SPECC1: variants seen among roughly 807,000 people sequenced by gnomAD.
SPECC1 encodes cytospin-B.
In SPECC1, 62 loss-of-function variants were observed where a neutral mutation model predicts 104.1. That is an observed-to-expected ratio of 0.60 (90% CI 0.49 to 0.74). The LOEUF (loss-of-function observed/expected upper bound fraction) is 0.74. Among genes scored for constraint, SPECC1 ranks in the 30% least tolerant of loss-of-function variants. SPECC1 has a pLI of 0.00. For synonymous variants in SPECC1, 513 were observed against 501.6 expected, an observed-to-expected ratio of 1.02 and a Z score of -0.30; for missense variants, 1,306 against 1,310.5, an observed-to-expected ratio of 1.00 and a Z score of 0.05.
chr17:20,129,136 A>G (rs1462165760), intron 3 of SPECC1, among the ~76,000 whole-genome samples: 1 of 151,600 alleles, frequency 6.6e-6, no homozygotes, highest in Non-Finnish European at 1.5e-5. Flanking sequence ...TGGCCTCCCA[A>G]AGTGCTGAGA....
Position 20,246,181 on chromosome 17 carries a change from A to G in SPECC1, c.2497+110A>G, listed in dbSNP as rs1281157126. 4 of 1,371,076 alleles carry G rather than the reference A, an allele frequency of 2.9e-6. No individual in the cohort carries two copies. In the South Asian group the frequency reaches 4.0e-5, roughly 14 times the overall value. The allele number at this position is 1,371,076 out of a possible 1,614,324, so 84.9% of individuals were successfully genotyped here. A position where few individuals can be genotyped will look rare whatever the true frequency, so the allele number is the denominator to read the frequency against. ...CTGGCCCTGTGTTGTTACAACCACA[A>G]GGGCGCTTTCCAGGTCCTACCACGT... On this transcript the variant is annotated intron_variant, in intron 8 of 14. Transcript: ENST00000395527.
chr17:20,247,335 A>C lies in SPECC1; in HGVS notation c.2598+16A>C. ...TCCAATGCAGGTAGATGAGCCCCAGAAATAACCACTGCTTATGGTTTGCTG... is the reference window on the plus strand; with the variant it reads ...TCCAATGCAGGTAGATGAGCCCCAGCAATAACCACTGCTTATGGTTTGCTG... On this transcript the variant is annotated intron_variant, in intron 9 of 14. Transcript: ENST00000395527. 1 of 1,579,016 alleles carries C rather than the reference A, an allele frequency of 6.3e-7. No individual in the cohort carries two copies. The highest frequency in any genetic ancestry group is 8.7e-7 in the Non-Finnish European group (1 of 1,149,432).
intron 3 of SPECC1, among the ~76,000 whole-genome samples, chr17:20,122,646 T>C (rs1283687526): frequency 6.6e-6 from 1 of 152,150 alleles, no homozygotes; most frequent in Non-Finnish European, 1.5e-5. Flanking sequence ...CCATTCCCCT[T>C]CCCTCAGCTC....
chr17:20,207,640 T>G (rs2036872509), intron 4 of SPECC1, among the ~76,000 whole-genome samples: 1 of 152,190 alleles, frequency 6.6e-6, no homozygotes, highest in African/African-American at 2.4e-5. Context: ...ATTTAAAAAG[T>G]ACAGAAAAGT....
At chr17:20,170,119 T>C (rs1396023168) in intron 3 of SPECC1, among the ~76,000 whole-genome samples, 1 of 152,214 alleles carries the variant, frequency 6.6e-6, no homozygotes, top group Non-Finnish European at 1.5e-5. Context: ...CCGTCCAGTT[T>C]GTCCGCTACC....
chr17:20,155,924 G>C (rs2032436038), intron 3 of SPECC1: 1 of 1,211,088 alleles, frequency 8.3e-7, no homozygotes, highest in East Asian at 3.4e-5. Flanking sequence ...CGCCTGGCGG[G>C]CGGTGTGCAG....
At chr17:20,178,643 A>C (rs1283352365) in intron 3 of SPECC1, among the ~76,000 whole-genome samples, 3 of 152,206 alleles carry the variant, frequency 2.0e-5, no homozygotes, top group Non-Finnish European at 4.4e-5. Flanking sequence ...TTGAGAACTG[A>C]ATTAATTTTC....
At chr17:20,128,619 C>T (rs924316861) in intron 3 of SPECC1, among the ~76,000 whole-genome samples, 3 of 152,018 alleles carry the variant, frequency 2.0e-5, no homozygotes, top group African/African-American at 7.2e-5. Context: ...GGTAGCTTGT[C>T]GATCTAATGA....
chr17:20,024,968 G>A (rs1019970665), intron 1 of SPECC1, among the ~76,000 whole-genome samples: 3 of 152,188 alleles, frequency 2.0e-5, no homozygotes, highest in Admixed American at 6.5e-5. Context: ...TTTGCACAAT[G>A]TAGATAAAAA....
Position 20,314,095 on chromosome 17 carries a change from CCA to C in SPECC1, c.*32_*33del, listed in dbSNP as rs2042001377. The C allele has an allele frequency of 6.3e-7, 1 of 1,589,024 alleles. No individual in the cohort carries two copies. Among genetic ancestry groups the C allele is most frequent in the African/African-American group, 1.3e-5 (1 of 74,504 alleles). ...GGAGGGCCTGGGGCAGCCACCATTG[CCA>C]CCTACTGCAGCTTTTCCTGGAAGCG... is the stretch of plus-strand genomic sequence containing the variant. On this transcript the variant is annotated 3_prime_UTR_variant, in exon 15 of 15. Coordinates refer to ENST00000395527, the MANE Select transcript of SPECC1 (RefSeq NM_001243439.2).
At chr17:20,162,552 T>C (rs1017110664) in intron 3 of SPECC1, among the ~76,000 whole-genome samples, 1 of 152,232 alleles carries the variant, frequency 6.6e-6, no homozygotes, top group Non-Finnish European at 1.5e-5. Flanking sequence ...TTAAAACATA[T>C]GAAGGCTTAA....
In SPECC1 at chr17:20,257,624, A is replaced by G. The variant is rs374488081; in HGVS notation, c.2837+17A>G. On this transcript the variant is annotated intron_variant, in intron 11 of 14. Transcript: ENST00000395527. ...CAAACTCAGGTATCGTGTTTCAAAC[A>G]ATAAGAAATCAGAAAAACATCGGGC... 2.5e-6 allele frequency: 4 copies of G among 1,609,594 alleles called. No individual in the cohort carries two copies. In the African/African-American group the frequency reaches 4.0e-5, roughly 16 times the overall value.
chr17:20,308,372 A>T lies in SPECC1; in HGVS notation c.3117+2290A>T, dbSNP rs569273306. On this transcript the variant is annotated intron_variant, in intron 14 of 14. Transcript: ENST00000395527. ...CCATTGCACTCCAGCCTGGGTGACA[A>T]GAGCGAAACTCCATCTCAAAAAAAA... 1.3e-4 allele frequency among the ~76,000 whole-genome samples: 16 copies of T among 125,154 alleles called. No homozygotes were observed. In the South Asian group the frequency reaches 4.7e-3, roughly 37 times the overall value. The allele number at this position is 125,154 out of a possible 152,430, so 82.1% of individuals were successfully genotyped here.
rs11868429 is a variant in SPECC1, at chr17:20,260,303, C to T, written c.2940+9C>T. On this transcript the variant is annotated intron_variant, in intron 12 of 14. Coordinates refer to ENST00000395527, the MANE Select transcript of SPECC1 (RefSeq NM_001243439.2). The stretch of plus-strand genomic sequence containing the variant: ...AGACACAAGGTTATGCGGTAAGGGA[C>T]AACATCAGCCAACTTCCAGCTGCCC... 0.19 allele frequency: 312,688 copies of T among 1,610,750 alleles called. 33,672 individuals are homozygous for T. The highest frequency in any genetic ancestry group is 0.45 in the African/African-American group (33,820 of 74,872).
At chr17:20,125,112 G>A (rs1287090616) in intron 3 of SPECC1, among the ~76,000 whole-genome samples, 3 of 152,086 alleles carry the variant, frequency 2.0e-5, no homozygotes, top group Non-Finnish European at 2.9e-5. Context: ...CCCGGGAGGC[G>A]GAGCTTGCAG....
Position 20,051,076 on chromosome 17 carries a change from C to CTT in SPECC1, c.-22+41654_-22+41655dup, listed in dbSNP as rs1464342482. 8.6e-4 allele frequency among the ~76,000 whole-genome samples: 49 copies of CTT among 57,150 alleles called. 1 individual carries two copies. The South Asian group carries it at 0.018, about 21-fold the overall frequency. The allele number at this position is 57,150 out of a possible 152,430, so 37.5% of individuals were successfully genotyped here. On this transcript the variant is annotated intron_variant, in intron 1 of 14. Transcript: ENST00000395527. Reference sequence around the variant, plus strand: ...TTTCTTTCTTTCTTTCTTTTTCTTTCTTTCTTTCTTTCTTTCTTTCTTTCT... The same window carrying CTT: ...TTTCTTTCTTTCTTTCTTTTTCTTTCTTTTTCTTTCTTTCTTTCTTTCTTTCT...
intron 3 of SPECC1, among the ~76,000 whole-genome samples, chr17:20,201,071 G>A (rs1190922164): frequency 1.3e-5 from 2 of 152,078 alleles, no homozygotes; most frequent in Non-Finnish European, 2.9e-5. Context: ...GGCAGCAAAA[G>A]GAAGGTGTTA....
At chr17:20,098,966 C>A in intron 2 of SPECC1, among the ~76,000 whole-genome samples, 1 of 152,138 alleles carries the variant, frequency 6.6e-6, no homozygotes, top group East Asian at 1.9e-4. Flanking sequence ...TGTTTTCTGG[C>A]GGTCTGATGG....
intron 13 of SPECC1, among the ~76,000 whole-genome samples, chr17:20,301,980 T>TC (rs574893452): frequency 1.9e-3 from 296 of 152,348 alleles, no homozygotes; most frequent in African/African-American, 6.9e-3. Context: ...GTTCTGGGAT[T>TC]ACAGTGGTGA....
Sources: gnomAD v4.1 joint callset for allele counts (sites outside exome capture counted in the v4.1 genomes callset) on GRCh38, gnomAD v4.1.1 for gene constraint, MANE v1.5 for transcripts, NCBI Gene and HGNC (gene_info 2026-07-23, HGNC 2026-07-21) for gene names.